The following EDAR variants were observed in gnomAD, a reference collection of about 807,000 sequenced individuals.
The protein encoded by EDAR is tumor necrosis factor receptor superfamily member EDAR.
EDAR carries 38 observed loss-of-function variants against 51.3 expected under a neutral mutation model. The observed-to-expected ratio is 0.74, with a 90% CI of 0.57 to 0.97. The LOEUF is 0.97. Among genes scored for constraint, EDAR ranks in the 50% least tolerant of loss-of-function variants. The pLI, the probability that EDAR is intolerant of heterozygous loss-of-function variation, is 0.00. For missense variants in EDAR, 528 were observed against 595.0 expected (o/e 0.89, Z 1.17); for synonymous variants, 227 against 242.1 (o/e 0.94, Z 0.58).
intron 1 of EDAR, among the ~76,000 whole-genome samples, chr2:108,957,601 G>C (rs1697950775): frequency 6.6e-6 from 1 of 152,202 alleles, no homozygotes; most frequent in South Asian, 2.1e-4. Flanking sequence ...CACACACCTG[G>C]ATAAACGTGG....
At chr2:108,966,871 G>A (rs1014105672) in intron 1 of EDAR, among the ~76,000 whole-genome samples, 9 of 152,228 alleles carry the variant, frequency 5.9e-5, no homozygotes, top group African/African-American at 1.9e-4. Context: ...ATGATGAAGT[G>A]AAAGGGAGAC....
At chr2:108,954,985 G>A (rs1697892666) in intron 1 of EDAR, among the ~76,000 whole-genome samples, 1 of 151,976 alleles carries the variant, frequency 6.6e-6, no homozygotes, top group Non-Finnish European at 1.5e-5. Context: ...GACCTGGCCG[G>A]GAAGATAATC....
At chr2:108,967,095 A>T (rs1417114567) in intron 1 of EDAR, among the ~76,000 whole-genome samples, 2 of 152,098 alleles carry the variant, frequency 1.3e-5, no homozygotes, top group Non-Finnish European at 2.9e-5. Context: ...CTACCATGCC[A>T]GGCTAATTTT....
intron 5 of EDAR, among the ~76,000 whole-genome samples, chr2:108,914,120 C>T (rs1696984442): frequency 1.3e-5 from 2 of 151,848 alleles, no homozygotes; most frequent in Admixed American, 1.3e-4. Context: ...ATTAGCCAGG[C>T]ATGATGGCGC....
intron 1 of EDAR, among the ~76,000 whole-genome samples, chr2:108,983,350 A>C (rs1698446565): frequency 1.3e-5 from 2 of 152,220 alleles, no homozygotes; most frequent in Non-Finnish European, 1.5e-5. Flanking sequence ...CCATATTTTT[A>C]AGGATTAGGA....
At chr2:108,969,025 G>T (rs570730716) in intron 1 of EDAR, among the ~76,000 whole-genome samples, 1 of 152,200 alleles carries the variant, frequency 6.6e-6, no homozygotes, top group South Asian at 2.1e-4. Context: ...AATCAGCAAG[G>T]CCACCTCAAG....
intron 11 of EDAR, among the ~76,000 whole-genome samples, chr2:108,900,005 A>C (rs1465284115): frequency 6.6e-6 from 1 of 152,120 alleles, no homozygotes; most frequent in African/African-American, 2.4e-5. Context: ...AATAATAATA[A>C]CACCAGTAGA....
intron 11 of EDAR, 137 bp downstream of exon 11, chr2:108,906,171 G>A (rs1388665420): frequency 4.4e-5 from 36 of 826,006 alleles, no homozygotes; most frequent in Admixed American, 4.1e-4. Context: ...AGTTTCCAGC[G>A]GCCATTCTGA....
chr2:108,899,944 T>C (rs2617886), intron 11 of EDAR, among the ~76,000 whole-genome samples: 142,841 of 152,226 alleles, frequency 0.94, 67,102 homozygotes, highest in East Asian at 1. Context: ...CGAGATCGTG[T>C]CACTGCTCTC....
intron 5 of EDAR, among the ~76,000 whole-genome samples, chr2:108,922,993 T>C (rs1359460450): frequency 2.0e-5 from 3 of 152,346 alleles, no homozygotes; most frequent in Non-Finnish European, 1.5e-5. Flanking sequence ...CACTTTGTAG[T>C]ACTTTGCAAA....
chr2:108,913,107 C>T (rs1324457570), intron 5 of EDAR, among the ~76,000 whole-genome samples: 2 of 152,028 alleles, frequency 1.3e-5, no homozygotes, highest in African/African-American at 2.4e-5. Context: ...CACCACCACA[C>T]CTGGCTAATT....
At chr2:108,987,577 T>C (rs1375248136) in intron 1 of EDAR, among the ~76,000 whole-genome samples, 3 of 152,210 alleles carry the variant, frequency 2.0e-5, no homozygotes, top group African/African-American at 7.2e-5. Flanking sequence ...AAATCAAGCA[T>C]TTCAGGGAAA....
At chr2:108,905,112 G>A (rs1032100932) in intron 11 of EDAR, among the ~76,000 whole-genome samples, 1 of 152,164 alleles carries the variant, frequency 6.6e-6, no homozygotes, top group Non-Finnish European at 1.5e-5. Flanking sequence ...ATTACATCAG[G>A]GTGTTTGGGC....
intron 5 of EDAR, among the ~76,000 whole-genome samples, chr2:108,913,141 G>A (rs1474655837): frequency 1.3e-5 from 2 of 151,974 alleles, no homozygotes; most frequent in Non-Finnish European, 2.9e-5. Flanking sequence ...AGTAGAGACG[G>A]GGTTTCACCA....
intron 2 of EDAR, among the ~76,000 whole-genome samples, 198 bp from the exon 3 acceptor site, chr2:108,930,440 G>A (rs1202380097): frequency 1.8e-4 from 27 of 151,994 alleles, no homozygotes; most frequent in Admixed American, 1.6e-3. Context: ...ACCTGGGCAC[G>A]GCCAGCCCCC....
At chr2:108,940,629 T>G (rs563712009) in intron 1 of EDAR, among the ~76,000 whole-genome samples, 1 of 152,382 alleles carries the variant, frequency 6.6e-6, no homozygotes, top group African/African-American at 2.4e-5. Flanking sequence ...ACAATGTGAA[T>G]GTGGAGTCAC....
chr2:108,979,863 C>G (rs75561410), intron 1 of EDAR, among the ~76,000 whole-genome samples: 1 of 152,106 alleles, frequency 6.6e-6, no homozygotes, highest in Non-Finnish European at 1.5e-5. Flanking sequence ...CTGGCTCTGA[C>G]GGGCAGCACA....
chr2:108,906,323 A>G lies in EDAR; in HGVS notation c.1009T>C (p.Cys337Arg). Residue 337 changes from cysteine to arginine, a missense_variant, in exon 11 of 12, where the codon TGT (cysteine) becomes CGT (arginine). Physicochemically the swap from Cys to Arg is radical, Grantham distance 180 (BLOSUM62 -3). Coordinates refer to ENST00000258443, the MANE Select transcript of EDAR (RefSeq NM_022336.4). ...KKILDVYANV[C>R]GVVEGLSPTE... ...TTCAGCTTACCTTCCACGACTCCAC[A>G]CACGTTGGCATACACATCGAGGATC... is the stretch of plus-strand genomic sequence containing the variant. 6.2e-7 allele frequency: 1 copy of G among 1,613,978 alleles called. No individual in the cohort carries two copies.
In EDAR at chr2:108,927,437, A is replaced by G. The variant is rs376398738; in HGVS notation, c.356+1761T>C. ...GAGCTCACCACCCTTCCAGTGTCCAACTTCTTTAGTAATTACACACTTTCT... is the reference window on the plus strand; with the variant it reads ...GAGCTCACCACCCTTCCAGTGTCCAGCTTCTTTAGTAATTACACACTTTCT... On this transcript the variant is annotated intron_variant, in intron 4 of 11. Transcript: ENST00000258443. 4.7e-3 allele frequency among the ~76,000 whole-genome samples: 714 copies of G among 152,274 alleles called. 2 individuals carry two copies. Among genetic ancestry groups the G allele is most frequent in the Non-Finnish European group, 7.6e-3 (515 of 68,014 alleles).
Sources: gnomAD v4.1 joint callset for allele counts (sites outside exome capture counted in the v4.1 genomes callset) on GRCh38, gnomAD v4.1.1 for gene constraint, MANE v1.5 for transcripts, NCBI Gene and HGNC (gene_info 2026-07-23, HGNC 2026-07-21) for gene names.